The following MAP3K12 variants were observed in gnomAD, a reference collection of about 807,000 sequenced individuals.
The protein encoded by MAP3K12 is mitogen-activated protein kinase kinase kinase 12.
MAP3K12 carries 14 observed loss-of-function variants against 87.5 expected under a neutral mutation model. That is an observed-to-expected ratio of 0.16 (90% CI 0.11 to 0.25). The LOEUF is 0.25. Among genes scored for constraint, MAP3K12 ranks in the 10% least tolerant of loss-of-function variants. MAP3K12 has a pLI of 1.00. For synonymous variants in MAP3K12, 469 were observed against 452.5 expected (o/e 1.04, Z -0.46); for missense variants, 802 against 1,140.4 (o/e 0.70, Z 4.27).
chr12:53,490,219 G>A (rs1314288524), intron 1 of MAP3K12, among the ~76,000 whole-genome samples: 1 of 152,048 alleles, frequency 6.6e-6, no homozygotes, highest in African/African-American at 2.4e-5. Flanking sequence ...CACGAGAATT[G>A]CTTGAATCTG....
intron 1 of MAP3K12, among the ~76,000 whole-genome samples, chr12:53,498,028 CTCTG>C (rs1943576652): frequency 6.6e-6 from 1 of 152,198 alleles, no homozygotes; most frequent in Admixed American, 6.5e-5. Flanking sequence ...TTCTTGCCTC[CTCTG>C]TCCATAACTG....
In MAP3K12 at chr12:53,486,647, C is replaced by G; in HGVS notation, c.446-25G>C. ...TCTGTGGGCAGGAGGCACAGTGCCA[C>G]AAGCCTCAGAAAGAGCCACACTCAA... On this transcript the variant is annotated intron_variant, in intron 2 of 13. Coordinates refer to ENST00000547488, the MANE Select transcript of MAP3K12 (RefSeq NM_001193511.2). The surrounding 1 kb of genome is among the most constrained non-coding windows in gnomAD (Gnocchi z 4.9). 1 of 1,547,256 alleles carries G rather than the reference C, an allele frequency of 6.5e-7. No homozygotes were observed. The highest frequency in any genetic ancestry group is 8.7e-7 in the Non-Finnish European group (1 of 1,148,180).
Position 53,483,196 on chromosome 12 carries a change from G to GA in MAP3K12, c.1614-8dup. The GA allele has an allele frequency of 3.9e-6, 6 of 1,525,784 alleles. No homozygotes were observed. The highest frequency in any genetic ancestry group is 5.3e-6 in the Non-Finnish European group (6 of 1,138,996). The allele number at this position is 1,525,784 out of a possible 1,614,324, so 94.5% of individuals were successfully genotyped here. On this transcript the variant is annotated splice_region_variant and splice_polypyrimidine_tract_variant and intron_variant, in intron 10 of 13. Transcript: ENST00000547488. ...CGTCTTGAGGATATCTGGCCTGGAAGAAGAGGAAAAGTAAAAGGTTAAGAC... is the reference window on the plus strand; with the variant it reads ...CGTCTTGAGGATATCTGGCCTGGAAGAAAGAGGAAAAGTAAAAGGTTAAGAC...
At chr12:53,495,178 A>C (rs1943515102) in intron 1 of MAP3K12, among the ~76,000 whole-genome samples, 1 of 151,654 alleles carries the variant, frequency 6.6e-6, no homozygotes, top group South Asian at 2.1e-4. Flanking sequence ...TCTCTACTAA[A>C]AATACAAAAA....
chr12:53,499,855 T>A (rs1943644314), upstream of MAP3K12, among the ~76,000 whole-genome samples: 1 of 152,220 alleles, frequency 6.6e-6, no homozygotes, highest in African/African-American at 2.4e-5. Context: ...ACCTCAGGCC[T>A]CAGGCTGATT....
intron 13 of MAP3K12, chr12:53,481,554 T>C (rs962535850): frequency 6.3e-5 from 18 of 286,508 alleles, no homozygotes; most frequent in African/African-American, 3.5e-4. Context: ...TTTACCATAT[T>C]GGTCAGGCTG....
chr12:53,483,804 C>G, intron 8 of MAP3K12, 81 bp from the exon 9 acceptor site: 2 of 1,612,096 alleles, frequency 1.2e-6, no homozygotes, highest in South Asian at 2.2e-5. Flanking sequence ...AATTCCTGTC[C>G]ACAGTCCTTT....
intron 13 of MAP3K12, 41 bp from the exon 14 acceptor site, chr12:53,481,321 T>C: frequency 8.2e-7 from 1 of 1,221,708 alleles, no homozygotes; most frequent in Non-Finnish European, 1.1e-6. Context: ...TCCTTGGGGT[T>C]CTTTGCTGGG....
At chr12:53,490,775 G>A (rs1484678212) in intron 1 of MAP3K12, among the ~76,000 whole-genome samples, 1 of 151,794 alleles carries the variant, frequency 6.6e-6, no homozygotes, top group African/African-American at 2.4e-5. Context: ...GCTGAGTGTG[G>A]TGATGTGCAC....
At chr12:53,491,862 T>C (rs1448484668) in intron 1 of MAP3K12, among the ~76,000 whole-genome samples, 1 of 151,136 alleles carries the variant, frequency 6.6e-6, no homozygotes, top group East Asian at 2.0e-4. Flanking sequence ...TCGCTTGAGC[T>C]CGGGAGTTTG....
At position 53,486,758 on chromosome 12, in the gene MAP3K12, C is replaced by A; in HGVS notation, c.446-136G>T. ...CCAAAAATAGGCCAAGAAGAAGGTTCGAGGGGACAGGGAAGGAATGAATGG... is the reference window on the plus strand; with the variant it reads ...CCAAAAATAGGCCAAGAAGAAGGTTAGAGGGGACAGGGAAGGAATGAATGG... On this transcript the variant is annotated intron_variant, in intron 2 of 13. Coordinates refer to ENST00000547488, the MANE Select transcript of MAP3K12 (RefSeq NM_001193511.2). This position sits in a 1 kb window ranked among gnomAD's most constrained non-coding sequence, Gnocchi z 4.9. 3.4e-6 allele frequency: 5 copies of A among 1,455,554 alleles called. No individual in the cohort carries two copies. The highest frequency in any genetic ancestry group is 4.5e-6 in the Non-Finnish European group (5 of 1,109,540). The allele number at this position is 1,455,554 out of a possible 1,614,324, so 90.2% of individuals were successfully genotyped here.
rs1943250001 is a variant in MAP3K12, at chr12:53,487,173, A to G, written c.219T>C (p.Pro73=). The change falls in exon 2 of 14, where the codon CCT becomes CCC. Residue 73 remains proline, a synonymous_variant. Transcript: ENST00000547488. ...PSPSPGGEPP[P]EPFANSVLQL... is the part of the protein sequence containing the mutation. ...GCAGGACACTGTTGGCAAAAGGCTC[A>G]GGGGGCGGCTCTCCACCTGGGGAGG... The G allele has an allele frequency of 1.9e-6, 3 of 1,614,048 alleles. No homozygotes were observed. The highest frequency in any genetic ancestry group is 2.2e-5 in the East Asian group (1 of 44,874).
Position 53,481,284 on chromosome 12 carries a change from TGA to T in MAP3K12, c.2581-6_2581-5del, listed in dbSNP as rs773103985. 2 of 1,525,796 alleles carry T rather than the reference TGA, an allele frequency of 1.3e-6. No homozygotes were observed. The highest frequency in any genetic ancestry group is 1.8e-6 in the Non-Finnish European group (2 of 1,132,996). The allele number at this position is 1,525,796 out of a possible 1,614,324, so 94.5% of individuals were successfully genotyped here. On this transcript the variant is annotated splice_region_variant and splice_polypyrimidine_tract_variant and intron_variant, in intron 13 of 13. Coordinates refer to ENST00000547488, the MANE Select transcript of MAP3K12 (RefSeq NM_001193511.2). ...AGTCCTCAGAATTGGGAGGGCCCTG[TGA>T]GAAAGAGTAGAAATGGAGTGAGATT...
In MAP3K12 at chr12:53,485,325, G is replaced by A. The variant is rs758013261; in HGVS notation, c.972C>T (p.Val324=). 5 of 1,613,478 alleles carry A rather than the reference G, an allele frequency of 3.1e-6. No individual in the cohort carries two copies. Among genetic ancestry groups the A allele is most frequent in the Admixed American group, 1.7e-5 (1 of 59,964 alleles). ...TTCAGCCTAGTTCTCACCAGATGTC[G>A]ACCTTCTCAGACACAGGTTCATTGC... ...VIRNEPVSEK[V]DIWSFGVVLW... Residue 324 remains valine (V), a synonymous_variant, in exon 5 of 14, where the codon GTC becomes GTT. Coordinates refer to ENST00000547488, the MANE Select transcript of MAP3K12 (RefSeq NM_001193511.2).
intron 1 of MAP3K12, among the ~76,000 whole-genome samples, chr12:53,489,014 G>C (rs1943325898): frequency 6.7e-6 from 1 of 150,370 alleles, no homozygotes; most frequent in Admixed American, 6.6e-5. Flanking sequence ...CCAGAGGTGA[G>C]GTTGCAGTAA....
At chr12:53,497,663 T>C (rs954369869) in intron 1 of MAP3K12, among the ~76,000 whole-genome samples, 3 of 152,250 alleles carry the variant, frequency 2.0e-5, no homozygotes, top group South Asian at 4.2e-4. Context: ...AATGCATGAG[T>C]GGCTGGCGTG....
Position 53,483,334 on chromosome 12 carries a change from G to A in MAP3K12, c.1613+15C>T, listed in dbSNP as rs1166184635. 2 of 1,612,626 alleles carry A rather than the reference G, an allele frequency of 1.2e-6. No homozygotes were observed. Among genetic ancestry groups the A allele is most frequent in the Non-Finnish European group, 1.7e-6 (2 of 1,179,242 alleles). On this transcript the variant is annotated intron_variant, in intron 10 of 13. Coordinates refer to ENST00000547488, the MANE Select transcript of MAP3K12 (RefSeq NM_001193511.2). ...TCCCTCTTGCCATATTGGAACCACA[G>A]TACTCATGTCCCACCTTTTGCTATG...
chr12:53,482,490 T>A, intron 11 of MAP3K12, 75 bp downstream of exon 11: 4 of 1,604,572 alleles, frequency 2.5e-6, no homozygotes, highest in Non-Finnish European at 3.4e-6. Flanking sequence ...TTGAGCATAA[T>A]GTGGGGGATT....
rs1182995314 is a variant in MAP3K12 at position 53,486,298 on chromosome 12, G to C, written c.630-51C>G. 1.3e-6 allele frequency: 2 copies of C among 1,557,214 alleles called. No individual in the cohort carries two copies. The highest frequency in any genetic ancestry group is 1.8e-5 in the Admixed American group (1 of 55,106). On this transcript the variant is annotated intron_variant, in intron 3 of 13. Coordinates refer to ENST00000547488, the MANE Select transcript of MAP3K12 (RefSeq NM_001193511.2). This position sits in a 1 kb window ranked among gnomAD's most constrained non-coding sequence, Gnocchi z 4.9. ...GCCTCAGCTGGCTCAGCATTCACCT[G>C]ATTCATACCTGGAACCCCCATTCCC...
Sources: allele counts gnomAD v4.1 joint callset (sites outside exome capture counted in the v4.1 genomes callset), GRCh38; gene constraint gnomAD v4.1.1; non-coding constraint Gnocchi (gnomAD v3.1); transcripts MANE v1.5; gene names NCBI Gene and HGNC (gene_info 2026-07-23, HGNC 2026-07-21).